Variants in ACSL3 observed in about 807,000 individuals in gnomAD.
ACSL3 encodes acyl-CoA synthetase long chain family member 3.
A neutral mutation model predicts 84.7 loss-of-function variants in ACSL3; 34 were observed. That is an observed-to-expected ratio of 0.40 (90% confidence interval 0.31 to 0.53). The LOEUF (loss-of-function observed/expected upper bound fraction) is 0.53, where lower values mean the gene tolerates loss of function less well. Among genes scored for constraint, ACSL3 ranks in the 20% least tolerant of loss-of-function variants. The pLI is 0.48. For missense variants in ACSL3, 680 were observed against 873.1 expected (o/e 0.78, Z 2.79); for synonymous variants, 315 against 299.4 (o/e 1.05, Z -0.54).
At chr2:222,940,768 G>A (rs1002237174) in intron 16 of ACSL3, among the ~76,000 whole-genome samples, 10 of 152,198 alleles carry the variant, frequency 6.6e-5, no homozygotes, top group African/African-American at 1.2e-4. Context: ...ATCGACATTC[G>A]TGTAAGATAT....
chr2:222,927,462 A>G (rs1373887036), intron 12 of ACSL3, among the ~76,000 whole-genome samples: 1 of 152,240 alleles, frequency 6.6e-6, no homozygotes, highest in East Asian at 1.9e-4. Flanking sequence ...AGTAACAAAC[A>G]CTGACTGTTT....
chr2:222,931,545 T>C (rs1356047305), intron 14 of ACSL3, among the ~76,000 whole-genome samples: 3 of 152,198 alleles, frequency 2.0e-5, no homozygotes, highest in African/African-American at 7.2e-5. Context: ...TTTTATGAGC[T>C]ATGTCTCAAA....
intron 16 of ACSL3, among the ~76,000 whole-genome samples, chr2:222,936,485 G>A (rs1368909473): frequency 6.6e-6 from 1 of 151,762 alleles, no homozygotes; most frequent in African/African-American, 2.4e-5. Context: ...GTTTTGATTT[G>A]CATTTCTCTT....
intron 1 of ACSL3, among the ~76,000 whole-genome samples, chr2:222,862,716 AT>A (rs1361851725): frequency 6.7e-6 from 1 of 149,718 alleles, no homozygotes; most frequent in Non-Finnish European, 1.5e-5. Flanking sequence ...GTATAAAAAT[AT>A]TGGTTTTGTA....
intron 4 of ACSL3, among the ~76,000 whole-genome samples, chr2:222,915,802 A>G (rs529327337): frequency 3.3e-5 from 5 of 152,354 alleles, no homozygotes; most frequent in East Asian, 1.9e-4. Context: ...TGGTATGGCA[A>G]TTCAAGTTCA....
chr2:222,864,841 C>T (rs929024241), intron 1 of ACSL3, among the ~76,000 whole-genome samples: 4 of 152,114 alleles, frequency 2.6e-5, no homozygotes, highest in African/African-American at 4.8e-5. Context: ...GGAGGGGACA[C>T]CTTCCACAGT....
chr2:222,903,780 T>C (rs1696218395), intron 3 of ACSL3, among the ~76,000 whole-genome samples: 1 of 152,228 alleles, frequency 6.6e-6, no homozygotes, highest in African/African-American at 2.4e-5. Flanking sequence ...TGTTACTGTG[T>C]GGTAAAGATG....
At chr2:222,876,131 T>C (rs1695441010) in intron 1 of ACSL3, among the ~76,000 whole-genome samples, 1 of 152,202 alleles carries the variant, frequency 6.6e-6, no homozygotes, top group African/African-American at 2.4e-5. Flanking sequence ...AGCTAGAGTT[T>C]GGACTGTTTC....
intron 1 of ACSL3, among the ~76,000 whole-genome samples, chr2:222,883,752 T>A (rs1012593539): frequency 3.3e-5 from 5 of 152,194 alleles, no homozygotes; most frequent in Non-Finnish European, 5.9e-5. Flanking sequence ...TCTCTTGGAT[T>A]AATTTAACAC....
chr2:222,917,376 A>G (rs867528603), intron 5 of ACSL3: 2 of 152,238 alleles, frequency 1.3e-5, no homozygotes, highest in Non-Finnish European at 1.5e-5. Flanking sequence ...AACGTGAGCC[A>G]CCGTGCTAGG....
intron 12 of ACSL3, 30 bp downstream of exon 12, chr2:222,927,219 T>A: frequency 6.3e-7 from 1 of 1,598,038 alleles, no homozygotes; most frequent in Non-Finnish European, 8.6e-7. Context: ...GAGGCTGGAG[T>A]GTGATGCCAG....
intron 1 of ACSL3, among the ~76,000 whole-genome samples, chr2:222,882,761 GT>G (rs71408540): frequency 0.024 from 2,932 of 119,840 alleles, 34 homozygotes; most frequent in African/African-American, 0.063. Context: ...CCAGATCACT[GT>G]TTTTTTTTTT....
Position 222,900,663 on chromosome 2 carries a change from A to G in ACSL3, c.-147-11A>G, listed in dbSNP as rs891302080. The G allele has an allele frequency of 1.3e-5, 2 of 152,100 alleles. No individual in the cohort carries two copies. Among genetic ancestry groups the G allele is most frequent in the African/African-American group, 2.4e-5 (1 of 41,416 alleles). 9.4% of individuals were successfully genotyped at this position (152,100 alleles called of 1,614,324 possible). A position where few individuals can be genotyped will look rare whatever the true frequency, so the allele number is the denominator to read the frequency against. On this transcript the variant is annotated splice_polypyrimidine_tract_variant and intron_variant, in intron 2 of 16. Coordinates refer to ENST00000357430, the MANE Select transcript of ACSL3 (RefSeq NM_004457.5). Reference sequence around the variant, plus strand: ...GCTCTAATTCATGACTTAATTCTATATTGTATTCAGATACAGAATTCGTTG... The same window carrying G: ...GCTCTAATTCATGACTTAATTCTATGTTGTATTCAGATACAGAATTCGTTG...
chr2:222,878,251 A>C (rs1382434533), intron 1 of ACSL3, among the ~76,000 whole-genome samples: 1 of 152,256 alleles, frequency 6.6e-6, no homozygotes, highest in East Asian at 1.9e-4. Context: ...TGACCAGTAT[A>C]TACTTATTAA....
At chr2:222,914,315 G>A (rs991322455) in intron 4 of ACSL3, among the ~76,000 whole-genome samples, 2 of 151,636 alleles carry the variant, frequency 1.3e-5, no homozygotes, top group African/African-American at 4.9e-5. Context: ...CCAGGCTGGA[G>A]TGTAGTGGTA....
chr2:222,918,408 C>G (rs1696642971), intron 6 of ACSL3, among the ~76,000 whole-genome samples: 1 of 151,636 alleles, frequency 6.6e-6, no homozygotes, highest in Non-Finnish European at 1.5e-5. Context: ...TACTTTTTCT[C>G]TTATTGTGCT....
In ACSL3 at chr2:222,922,815, A is replaced by C; in HGVS notation, c.1064A>C (p.Gln355Pro). ...TGCCGCATTGGTTACTCTTCACCAC[A>C]GACTTTAGCAGATCAGGTAAGTTCA... Reference protein sequence around the residue: ...HGCRIGYSSPQTLADQSSKIK... With the variant: ...HGCRIGYSSPPTLADQSSKIK... Residue 355 changes from glutamine to proline, a missense_variant, in exon 9 of 17, where the codon CAG becomes CCG. Gln to Pro is a moderately conservative substitution (Grantham distance 76, BLOSUM62 -1). This residue lies in a region of ACSL3 where 347 missense variants were observed against 525.7 expected (regional missense o/e 0.66). Coordinates refer to ENST00000357430, the MANE Select transcript of ACSL3 (RefSeq NM_004457.5). The C allele has an allele frequency of 6.2e-7, 1 of 1,614,148 alleles. No homozygotes were observed. The highest frequency in any genetic ancestry group is 1.1e-5 in the South Asian group (1 of 91,080).
chr2:222,941,588 G>A lies in ACSL3; in HGVS notation c.2097G>A (p.Lys699=), dbSNP rs767049497. 1.9e-6 allele frequency: 3 copies of A among 1,613,202 alleles called. No homozygotes were observed. Among genetic ancestry groups the A allele is most frequent in the Admixed American group, 1.7e-5 (1 of 59,870 alleles). Residue 699 remains lysine (K), a synonymous_variant, in exon 17 of 17, where the codon AAG becomes AAA. Transcript: ENST00000357430. ...CTGGTCTGGTGACAGATGCCTTCAA[G>A]CTGAAACGCAAAGAGCTTAAAACAC... is the stretch of plus-strand genomic sequence containing the variant. ...PETGLVTDAF[K]LKRKELKTHY...
intron 1 of ACSL3, among the ~76,000 whole-genome samples, chr2:222,886,355 G>A (rs963097061): frequency 2.0e-5 from 3 of 152,160 alleles, no homozygotes; most frequent in Non-Finnish European, 2.9e-5. Flanking sequence ...GTGTTAGTTT[G>A]CTGAGAATGG....
Sources: allele counts gnomAD v4.1 joint callset (sites outside exome capture counted in the v4.1 genomes callset), GRCh38; gene constraint gnomAD v4.1.1; regional missense constraint gnomAD v4.1.1; transcripts MANE v1.5; gene names NCBI Gene and HGNC (gene_info 2026-07-23, HGNC 2026-07-21).